The following SMARCA4 variants were observed in gnomAD, a reference collection of about 807,000 sequenced individuals.
SMARCA4 encodes SWI/SNF related BAF chromatin remodeling complex subunit ATPase 4.
SMARCA4 carries 31 observed loss-of-function variants against 193.9 expected under a neutral mutation model. That is an observed-to-expected ratio of 0.16 (90% CI 0.12 to 0.22). The LOEUF (loss-of-function observed/expected upper bound fraction) is 0.22, where lower values mean the gene tolerates loss of function less well. Ranked by LOEUF, SMARCA4 falls within the 10% of genes least tolerant of loss-of-function variation. The probability of loss-of-function intolerance (pLI) is 1.00; values close to 1 mark genes in which losing one functional copy is unlikely to be tolerated. For missense variants in SMARCA4, 1,148 were observed against 2,296.0 expected, an observed-to-expected ratio of 0.50 and a Z score of 10.22; for synonymous variants, 942 against 933.1, an observed-to-expected ratio of 1.01 and a Z score of -0.17.
rs2086142665 is a variant in SMARCA4, at chr19:10,987,312, C to G, written c.859+309C>G. ...GAGGCAGTGGGACTCATTACCCATC[C>G]TCTTGGAGCCTGAGGTTTAGCGATG... On this transcript the variant is annotated intron_variant, in intron 5 of 34. Transcript: ENST00000344626. This position sits in a 1 kb window ranked among gnomAD's most constrained non-coding sequence, Gnocchi z 5.3. Among the ~76,000 whole-genome samples, 1 of 152,212 alleles carries G rather than the reference C, an allele frequency of 6.6e-6. No homozygotes were observed. The highest frequency in any genetic ancestry group is 2.4e-5 in the African/African-American group (1 of 41,450).
intron 12 of SMARCA4, 81 bp downstream of exon 12, chr19:11,003,240 G>A (rs770824163): frequency 1.7e-5 from 28 of 1,606,236 alleles, no homozygotes; most frequent in Non-Finnish European, 2.4e-5. Context: ...GCAGCCAGGA[G>A]CAATTTTACT....
At chr19:10,991,474 G>A in intron 8 of SMARCA4, 151 bp downstream of exon 8, 1 of 1,274,796 alleles carries the variant, frequency 7.8e-7, no homozygotes, top group Non-Finnish European at 1.1e-6. Flanking sequence ...GGTACTGAGA[G>A]TGTATTGGTG....
Position 11,058,839 on chromosome 19 carries a change from G to A in SMARCA4, c.4585G>A (p.Val1529Ile), listed in dbSNP as rs777829717. 1.5e-5 allele frequency: 25 copies of A among 1,614,008 alleles called. No individual in the cohort carries two copies. Among genetic ancestry groups the A allele is most frequent in the African/African-American group, 6.7e-5 (5 of 74,934 alleles). The change falls in exon 32 of 35, where the codon GTC becomes ATC. Residue 1529 changes from valine to isoleucine, a missense_variant. This residue lies in a region of SMARCA4 where 141 missense variants were observed against 193.0 expected (regional missense o/e 0.73). Coordinates refer to ENST00000344626, the MANE Select transcript of SMARCA4 (RefSeq NM_003072.5). The surrounding 1 kb of genome is among the most constrained non-coding windows in gnomAD (Gnocchi z 5.8). ...YRSLNDLEKD[V>I]MLLCQNAQTF... ...CAGCCTCAACGACCTAGAGAAGGAC[G>A]TCATGCTCCTGTGCCAGAACGCACA... is the stretch of plus-strand genomic sequence containing the variant.
intron 15 of SMARCA4, among the ~76,000 whole-genome samples, chr19:11,010,765 G>T (rs1175475775): frequency 6.6e-6 from 1 of 152,156 alleles, no homozygotes; most frequent in Non-Finnish European, 1.5e-5. Context: ...CTGGGTGCCC[G>T]ATGTGCCAGG....
At chr19:10,968,884 C>T (rs2084450584) in intron 1 of SMARCA4, among the ~76,000 whole-genome samples, 1 of 152,210 alleles carries the variant, frequency 6.6e-6, no homozygotes, top group Non-Finnish European at 1.5e-5. Context: ...GATTCTGGCA[C>T]AGCCTGGACT....
At chr19:10,963,370 CAAAAAAAAAAAAAAAAAA>C (rs755616481) in intron 1 of SMARCA4, among the ~76,000 whole-genome samples, 1 of 53,134 alleles carries the variant, frequency 1.9e-5, no homozygotes, top group African/African-American at 7.0e-5. Flanking sequence ...AAGACTGTCT[CAAAAAAAAAAAAAAAAAA>C]AAAGAAAAAG....
rs1393810532 is a variant in SMARCA4, at chr19:11,041,701, CTT to C, written c.4424+143_4424+144del. 4 of 734,310 alleles carry C rather than the reference CTT, an allele frequency of 5.4e-6. No homozygotes were observed. The African/African-American group carries it at 7.0e-5, about 13-fold the overall frequency. 45.5% of individuals were successfully genotyped at this position (734,310 alleles called of 1,614,324 possible). A position where few individuals can be genotyped will look rare whatever the true frequency, so the allele number is the denominator to read the frequency against. Reference sequence around the variant, plus strand: ...ACAAACACTGACTGAATCTCTGTGTCTTTGAGCCTGGCCCTGAGGAACATGCT... The same window carrying C: ...ACAAACACTGACTGAATCTCTGTGTCTGAGCCTGGCCCTGAGGAACATGCT... On this transcript the variant is annotated intron_variant, in intron 30 of 34. Coordinates refer to ENST00000344626, the MANE Select transcript of SMARCA4 (RefSeq NM_003072.5). This position sits in a 1 kb window ranked among gnomAD's most constrained non-coding sequence, Gnocchi z 5.6.
rs1050778146 is a variant in SMARCA4 at position 10,986,148 on chromosome 19, A to G, written c.356-41A>G. Reference sequence around the variant, plus strand: ...GGAAGAGGCTGTAAAAATCACAGACATATGCTGCCGAGTGACCAGTGGGCT... The same window carrying G: ...GGAAGAGGCTGTAAAAATCACAGACGTATGCTGCCGAGTGACCAGTGGGCT... On this transcript the variant is annotated intron_variant, in intron 3 of 34. Coordinates refer to ENST00000344626, the MANE Select transcript of SMARCA4 (RefSeq NM_003072.5). This position sits in a 1 kb window ranked among gnomAD's most constrained non-coding sequence, Gnocchi z 6.7. 6.6e-7 allele frequency: 1 copy of G among 1,519,546 alleles called. No individual in the cohort carries two copies. The highest frequency in any genetic ancestry group is 1.7e-4 in the Middle Eastern group (1 of 5,890). 94.1% of individuals were successfully genotyped at this position (1,519,546 alleles called of 1,614,324 possible). A position where few individuals can be genotyped will look rare whatever the true frequency, so the allele number is the denominator to read the frequency against.
chr19:10,986,835 G>A lies in SMARCA4; in HGVS notation c.761-70G>A. 1.4e-6 allele frequency: 2 copies of A among 1,392,364 alleles called. No individual in the cohort carries two copies. The allele number at this position is 1,392,364 out of a possible 1,614,324, so 86.3% of individuals were successfully genotyped here. A position where few individuals can be genotyped will look rare whatever the true frequency, so the allele number is the denominator to read the frequency against. On this transcript the variant is annotated intron_variant, in intron 4 of 34. Coordinates refer to ENST00000344626, the MANE Select transcript of SMARCA4 (RefSeq NM_003072.5). The surrounding 1 kb of genome is among the most constrained non-coding windows in gnomAD (Gnocchi z 6.7). ...TGCTGTGTCCCCTGGAGCCAGGGCT[G>A]CCCACGGGGCTGGGCGCAGGCATAA...
chr19:10,992,763 T>G (rs1431991375), intron 8 of SMARCA4, among the ~76,000 whole-genome samples: 1 of 151,956 alleles, frequency 6.6e-6, no homozygotes, highest in East Asian at 1.9e-4. Flanking sequence ...TAATTTTTTA[T>G]ATTTTTAGTA....
chr19:10,961,463 C>G (rs1436802828), intron 1 of SMARCA4: 1 of 151,944 alleles, frequency 6.6e-6, no homozygotes, highest in Admixed American at 6.6e-5. Flanking sequence ...CCGGGGTCGC[C>G]GGACAAAGCT....
At chr19:11,023,717 C>G in intron 20 of SMARCA4, 86 bp downstream of exon 20, 1 of 825,284 alleles carries the variant, frequency 1.2e-6, no homozygotes, top group Non-Finnish European at 2.1e-6. Flanking sequence ...GGCCTCTCCC[C>G]ACAGTCCCAG....
intron 1 of SMARCA4, among the ~76,000 whole-genome samples, chr19:10,976,920 G>A (rs537618297): frequency 1.8e-4 from 28 of 151,538 alleles, no homozygotes; most frequent in East Asian, 1.2e-3. Context: ...AGCCAGGTTC[G>A]GCAGTGTGCG....
In SMARCA4 at chr19:11,047,892, CAG is replaced by C. The variant is rs1263851941; in HGVS notation, c.4424+6336_4424+6337del. 2.6e-5 allele frequency: 4 copies of C among 152,244 alleles called. No individual in the cohort carries two copies. In the South Asian group the frequency reaches 6.2e-4, roughly 24 times the overall value. The allele number at this position is 152,244 out of a possible 1,614,324, so 9.4% of individuals were successfully genotyped here. On this transcript the variant is annotated intron_variant, in intron 30 of 34. Coordinates refer to ENST00000344626, the MANE Select transcript of SMARCA4 (RefSeq NM_003072.5). The stretch of plus-strand genomic sequence containing the variant: ...CATTAGGTGTGACATTCTAAGGACT[CAG>C]AGATCACCTCCCAGGAGCCCCAGGC...
At chr19:10,966,662 G>T (rs1027068451) in intron 1 of SMARCA4, among the ~76,000 whole-genome samples, 12 of 145,280 alleles carry the variant, frequency 8.3e-5, no homozygotes, top group Admixed American at 5.5e-4. Flanking sequence ...GAGGCGGGCG[G>T]ATCGCCTGAG....
chr19:10,986,343 C>G lies in SMARCA4; in HGVS notation c.510C>G (p.Thr170=), dbSNP rs1599950452. 1 of 1,612,856 alleles carries G rather than the reference C, an allele frequency of 6.2e-7. No individual in the cohort carries two copies. The highest frequency in any genetic ancestry group is 8.5e-7 in the Non-Finnish European group (1 of 1,179,744). Reference sequence around the variant, plus strand: ...TGGGGCAGCAGAACCGGGGCCCAACCCCATTTAACCAGAACCAGCTGCACC... The same window carrying G: ...TGGGGCAGCAGAACCGGGGCCCAACGCCATTTAACCAGAACCAGCTGCACC... ...QALGQQNRGP[T]PFNQNQLHQL... is the part of the protein sequence containing the mutation. The change falls in exon 4 of 35, where the codon ACC becomes ACG. Residue 170 remains threonine, a synonymous_variant. Transcript: ENST00000344626. This position sits in a 1 kb window ranked among gnomAD's most constrained non-coding sequence, Gnocchi z 6.7.
chr19:11,052,776 A>T (rs940755219), intron 30 of SMARCA4, among the ~76,000 whole-genome samples: 6 of 152,080 alleles, frequency 3.9e-5, no homozygotes, highest in African/African-American at 1.4e-4. Context: ...GCCTCCCTGC[A>T]CTCAGGACCG....
At chr19:10,997,190 T>A (rs975311698) in intron 11 of SMARCA4, among the ~76,000 whole-genome samples, 1 of 151,948 alleles carries the variant, frequency 6.6e-6, no homozygotes, top group African/African-American at 2.4e-5. Context: ...CATTTAATTT[T>A]ATTTTTATTT....
chr19:11,004,393 C>T (rs1265962019), intron 13 of SMARCA4, among the ~76,000 whole-genome samples: 2 of 151,896 alleles, frequency 1.3e-5, no homozygotes, highest in East Asian at 1.9e-4. Context: ...GGATTACAGG[C>T]GCCCGCCACC....
Sources: gnomAD v4.1 joint callset for allele counts (sites outside exome capture counted in the v4.1 genomes callset) on GRCh38, gnomAD v4.1.1 for gene constraint, gnomAD v4.1.1 regional missense constraint, Gnocchi (gnomAD v3.1) non-coding constraint, MANE v1.5 for transcripts, NCBI Gene and HGNC (gene_info 2026-07-23, HGNC 2026-07-21) for gene names.